DNAJC5B: variants seen among roughly 807,000 people sequenced by gnomAD.
DNAJC5B encodes dnaJ homolog subfamily C member 5B.
A neutral mutation model predicts 24.7 loss-of-function variants in DNAJC5B; 23 were observed. The observed-to-expected ratio is 0.93, with a 90% CI of 0.67 to 1.32. The LOEUF is 1.32. Ranked by LOEUF, DNAJC5B falls within the 40% of genes most tolerant of loss-of-function variation. The probability of loss-of-function intolerance (pLI) is 0.00; values close to 1 mark genes in which losing one functional copy is unlikely to be tolerated. For missense variants in DNAJC5B, 238 were observed against 240.8 expected, an observed-to-expected ratio of 0.99 and a Z score of 0.08; for synonymous variants, 101 against 90.1, an observed-to-expected ratio of 1.12 and a Z score of -0.68.
intron 1 of DNAJC5B, among the ~76,000 whole-genome samples, chr8:66,035,662 T>TTGACTTC (rs534401507): frequency 1.2e-4 from 18 of 152,142 alleles, no homozygotes; most frequent in African/African-American, 3.6e-4. Flanking sequence ...TGCAGACACC[T>TTGACTTC]TGACTTCTGA....
chr8:66,058,181 C>T (rs1463375943), intron 3 of DNAJC5B, among the ~76,000 whole-genome samples: 1 of 152,170 alleles, frequency 6.6e-6, no homozygotes, highest in Non-Finnish European at 1.5e-5. Context: ...TTTCTTATTA[C>T]CATGTAGTAT....
intron 1 of DNAJC5B, among the ~76,000 whole-genome samples, chr8:66,032,806 A>T (rs946566855): frequency 1.3e-5 from 2 of 151,958 alleles, no homozygotes; most frequent in African/African-American, 4.8e-5. Flanking sequence ...CTCATTTTCC[A>T]TTTCCACTAG....
the DNAJC5B span, among the ~76,000 whole-genome samples, chr8:66,016,504 C>G: frequency 1.3e-5 from 2 of 152,220 alleles, no homozygotes; most frequent in South Asian, 2.1e-4. Context: ...TGAGGCCTCC[C>G]CAGCAATGCA....
At chr8:66,053,181 C>T (rs1433229584) in intron 3 of DNAJC5B, among the ~76,000 whole-genome samples, 2 of 152,182 alleles carry the variant, frequency 1.3e-5, no homozygotes, top group Admixed American at 6.5e-5. Context: ...AAGTAATCCT[C>T]CCACCTTGGC....
intron 2 of DNAJC5B, among the ~76,000 whole-genome samples, chr8:66,050,037 T>C (rs1409559364): frequency 6.6e-6 from 1 of 152,258 alleles, no homozygotes; most frequent in Non-Finnish European, 1.5e-5. Flanking sequence ...GTACTAGAAA[T>C]GTCAACACAA....
At chr8:66,094,068 C>T (rs1167121433) in intron 5 of DNAJC5B, among the ~76,000 whole-genome samples, 2 of 151,970 alleles carry the variant, frequency 1.3e-5, no homozygotes, top group South Asian at 2.1e-4. Context: ...TATGCAATAC[C>T]AAGCCCATTT....
intron 3 of DNAJC5B, among the ~76,000 whole-genome samples, chr8:66,054,400 T>A (rs1404909999): frequency 6.6e-6 from 1 of 152,224 alleles, no homozygotes; most frequent in Non-Finnish European, 1.5e-5. Flanking sequence ...AGCACATTTA[T>A]GATTTTGCTT....
intron 3 of DNAJC5B, among the ~76,000 whole-genome samples, chr8:66,056,245 G>C (rs1181484000): frequency 1.3e-5 from 2 of 152,102 alleles, no homozygotes; most frequent in Non-Finnish European, 2.9e-5. Flanking sequence ...TCTTCCTCCA[G>C]ATTGAACAGA....
intron 1 of DNAJC5B, among the ~76,000 whole-genome samples, chr8:66,040,344 C>G (rs945608969): frequency 1.3e-5 from 2 of 151,416 alleles, no homozygotes; most frequent in African/African-American, 4.9e-5. Flanking sequence ...GAGCCAAGAT[C>G]GTGCCACTGC....
intron 5 of DNAJC5B, among the ~76,000 whole-genome samples, chr8:66,089,593 C>T (rs1421192980): frequency 6.6e-6 from 1 of 152,160 alleles, no homozygotes; most frequent in Non-Finnish European, 1.5e-5. Context: ...CATATTCAAA[C>T]ATGCCTACTC....
At chr8:66,031,787 G>A (rs1806366270) in intron 1 of DNAJC5B, among the ~76,000 whole-genome samples, 1 of 152,068 alleles carries the variant, frequency 6.6e-6, no homozygotes, top group African/African-American at 2.4e-5. Flanking sequence ...GTGGGGTGGG[G>A]GGCAGCAACC....
At chr8:66,033,770 CT>C (rs765814272) in intron 1 of DNAJC5B, among the ~76,000 whole-genome samples, 20,694 of 105,408 alleles carry the variant, frequency 0.2, 2,049 homozygotes, top group African/African-American at 0.42. Flanking sequence ...GATCATTCCG[CT>C]TTTTTTTTTT....
At chr8:66,033,447 T>A (rs1806404132) in intron 1 of DNAJC5B, among the ~76,000 whole-genome samples, 2 of 152,200 alleles carry the variant, frequency 1.3e-5, no homozygotes, top group Non-Finnish European at 2.9e-5. Flanking sequence ...TGGCTTTGGC[T>A]CATATTATGT....
At position 66,042,014 on chromosome 8, in the gene DNAJC5B, T is replaced by A. The variant is rs1050984356; in HGVS notation, c.-141-1474T>A. Among the ~76,000 whole-genome samples the A allele has an allele frequency of 2.6e-5, 4 of 152,188 alleles. 1 individual carries two copies. Among genetic ancestry groups the A allele is most frequent in the African/African-American group, 9.7e-5 (4 of 41,432 alleles). ...TCTTTTCAGATCTCTGCCCAGTTGTTTTTGTTCAGGGAAGCTTTCTCTAAT... is the reference window on the plus strand; with the variant it reads ...TCTTTTCAGATCTCTGCCCAGTTGTATTTGTTCAGGGAAGCTTTCTCTAAT... On this transcript the variant is annotated intron_variant, in intron 1 of 5. Transcript: ENST00000276570.
rs146980860 is a variant in DNAJC5B, at chr8:66,063,270, C to T, written c.119+11604C>T. Among the ~76,000 whole-genome samples, 383 of 152,244 alleles carry T rather than the reference C, an allele frequency of 2.5e-3. 4 individuals carry two copies. The highest frequency in any genetic ancestry group is 8.6e-3 in the African/African-American group (356 of 41,538). ...AGGCAAATTCTGTTTTCAAAAGAAG[C>T]AGAAAAGAGTGCCATTTCCATAATA... On this transcript the variant is annotated intron_variant, in intron 3 of 5. Transcript: ENST00000276570.
chr8:66,015,279 G>C, the DNAJC5B span, among the ~76,000 whole-genome samples: 4 of 152,166 alleles, frequency 2.6e-5, no homozygotes, highest in Non-Finnish European at 5.9e-5. Context: ...GGGAGAGTTT[G>C]GTAGTGATGC....
chr8:66,089,388 A>G (rs548894464), intron 5 of DNAJC5B, among the ~76,000 whole-genome samples: 13 of 152,302 alleles, frequency 8.5e-5, no homozygotes, highest in Non-Finnish European at 1.8e-4. Context: ...AACACCACAA[A>G]TTTCACTTTT....
At chr8:66,061,201 A>G (rs971362849) in intron 3 of DNAJC5B, among the ~76,000 whole-genome samples, 1 of 152,106 alleles carries the variant, frequency 6.6e-6, no homozygotes, top group Non-Finnish European at 1.5e-5. Context: ...GGGTCTCTTG[A>G]GCCCAGGAGT....
Position 66,100,968 on chromosome 8 carries a change from C to G in DNAJC5B, c.*937C>G, listed in dbSNP as rs1255416463. ...CATCTCTGCATTTGCTTGTTTGATTCTTGTATTTATTATGTGGTAGAAACC... is the reference window on the plus strand; with the variant it reads ...CATCTCTGCATTTGCTTGTTTGATTGTTGTATTTATTATGTGGTAGAAACC... On this transcript the variant is annotated 3_prime_UTR_variant, in exon 6 of 6. Transcript: ENST00000276570. Among the ~76,000 whole-genome samples, 1 of 152,126 alleles carries G rather than the reference C, an allele frequency of 6.6e-6. No homozygotes were observed. The highest frequency in any genetic ancestry group is 1.5e-5 in the Non-Finnish European group (1 of 68,018).
Sources: allele counts gnomAD v4.1 joint callset (sites outside exome capture counted in the v4.1 genomes callset), GRCh38; gene constraint gnomAD v4.1.1; transcripts MANE v1.5; gene names NCBI Gene and HGNC (gene_info 2026-07-23, HGNC 2026-07-21).